The following MMS22L variants were observed in gnomAD, a reference collection of about 807,000 sequenced individuals.
The protein encoded by MMS22L is MMS22 like, DNA repair protein.
In MMS22L, 74 loss-of-function variants were observed where a neutral mutation model predicts 159.1. That is an observed-to-expected ratio of 0.47 (90% CI 0.39 to 0.56). The LOEUF (loss-of-function observed/expected upper bound fraction) is 0.56. Ranked by LOEUF, MMS22L falls within the 20% of genes least tolerant of loss-of-function variation. The pLI, the probability that MMS22L is intolerant of heterozygous loss-of-function variation, is 0.00. For missense variants in MMS22L, 1,351 were observed against 1,422.1 expected, an observed-to-expected ratio of 0.95 and a Z score of 0.80; for synonymous variants, 517 against 506.9, an observed-to-expected ratio of 1.02 and a Z score of -0.27.
intron 4 of MMS22L, among the ~76,000 whole-genome samples, chr6:97,277,339 G>A (rs1816332778): frequency 6.6e-6 from 1 of 152,060 alleles, no homozygotes; most frequent in Non-Finnish European, 1.5e-5. Context: ...CTTGAACCCA[G>A]GGGGCTGGAG....
intron 11 of MMS22L, among the ~76,000 whole-genome samples, chr6:97,240,464 A>C (rs1811931872): frequency 6.6e-6 from 1 of 152,154 alleles, no homozygotes; most frequent in Non-Finnish European, 1.5e-5. Flanking sequence ...GGGCCATGCA[A>C]ACCAGGATAG....
rs1185488611 is a variant in MMS22L, at chr6:97,179,457, G to A, written c.2487C>T (p.Leu829=). The part of the protein sequence containing the change: ...RCVLQMYIKN[L]SGPDDLLIDK... ...CTATGAGCAAATCATCAGGCCCAGAGAGGTTTTTAATATACATTTGCAAAA... is the reference window on the plus strand; with the variant it reads ...CTATGAGCAAATCATCAGGCCCAGAAAGGTTTTTAATATACATTTGCAAAA... Residue 829 remains leucine, a synonymous_variant, in exon 17 of 25, where the codon CTC becomes CTT. Transcript: ENST00000683635. The A allele has an allele frequency of 6.2e-7, 1 of 1,613,526 alleles. No individual in the cohort carries two copies. Among genetic ancestry groups the A allele is most frequent in the Non-Finnish European group, 8.5e-7 (1 of 1,179,702 alleles).
chr6:97,151,113 G>A (rs1357087894), intron 23 of MMS22L, among the ~76,000 whole-genome samples: 1 of 152,114 alleles, frequency 6.6e-6, no homozygotes, highest in East Asian at 1.9e-4. Context: ...AAGGTCTGAA[G>A]GCCTGTGTAC....
chr6:97,240,875 C>CAG (rs1281870776), intron 11 of MMS22L, among the ~76,000 whole-genome samples: 2 of 152,294 alleles, frequency 1.3e-5, no homozygotes, highest in East Asian at 3.9e-4. Flanking sequence ...GATCCACCTG[C>CAG]CTTGGCCTCC....
In MMS22L at chr6:97,246,767, T is replaced by C. The variant is rs1326028642; in HGVS notation, c.1120-77A>G. The C allele has an allele frequency of 5.2e-6, 5 of 967,386 alleles. No individual in the cohort carries two copies. In the Admixed American group the frequency reaches 1.0e-4, roughly 20 times the overall value. The allele number at this position is 967,386 out of a possible 1,614,324, so 59.9% of individuals were successfully genotyped here. A position where few individuals can be genotyped will look rare whatever the true frequency, so the allele number is the denominator to read the frequency against. ...TATTTAAAATTAGGGTATAGCAAAT[T>C]AAGTGTGCAGTACATTTTCCTCTAT... On this transcript the variant is annotated intron_variant, in intron 10 of 24. Coordinates refer to ENST00000683635, the MANE Select transcript of MMS22L (RefSeq NM_001350599.2).
intron 4 of MMS22L, 90 bp downstream of exon 4, chr6:97,278,759 T>C: frequency 2.9e-6 from 3 of 1,022,562 alleles, no homozygotes; most frequent in Non-Finnish European, 2.9e-6. Flanking sequence ...TGTATTATCA[T>C]GATATGCCAA....
intron 19 of MMS22L, among the ~76,000 whole-genome samples, chr6:97,172,524 C>CTGACTTCCTAAAGAAAGATAAACTCCAT (rs1803650939): frequency 1.3e-5 from 2 of 152,150 alleles, no homozygotes; most frequent in South Asian, 4.1e-4. Flanking sequence ...ATGTTAATCA[C>CTGACTTCCTAAAGAAAGATAAACTCCAT]TGACTTCCTA....
intron 20 of MMS22L, among the ~76,000 whole-genome samples, chr6:97,165,797 T>C (rs1167009473): frequency 6.6e-6 from 1 of 152,132 alleles, no homozygotes. Context: ...ACTTACAAAG[T>C]TATAAAACAC....
chr6:97,201,974 C>T (rs577769485), intron 14 of MMS22L, among the ~76,000 whole-genome samples: 49 of 152,280 alleles, frequency 3.2e-4, no homozygotes, highest in South Asian at 1.0e-3. Flanking sequence ...TTTAGAAAGC[C>T]TACAAATGTT....
chr6:97,215,112 ATATT>A (rs1179679335), intron 14 of MMS22L, among the ~76,000 whole-genome samples: 2 of 80,072 alleles, frequency 2.5e-5, no homozygotes, highest in Admixed American at 1.2e-4. Context: ...ATATATATAT[ATATT>A]TTTTTTTTGC....
chr6:97,158,213 C>G (rs1266316651), intron 22 of MMS22L, among the ~76,000 whole-genome samples: 1 of 151,848 alleles, frequency 6.6e-6, no homozygotes, highest in Admixed American at 6.6e-5. Context: ...TCTCTCTTTT[C>G]TTCTTAATTA....
intron 10 of MMS22L, among the ~76,000 whole-genome samples, chr6:97,250,164 A>T (rs934703047): frequency 1.3e-5 from 2 of 152,186 alleles, no homozygotes; most frequent in African/African-American, 4.8e-5. Context: ...TACCAAGTTA[A>T]ATCTGCTGAT....
chr6:97,214,791 G>A (rs1808808142), intron 14 of MMS22L, among the ~76,000 whole-genome samples: 1 of 150,380 alleles, frequency 6.6e-6, no homozygotes, highest in Non-Finnish European at 1.5e-5. Flanking sequence ...ACATAATCGG[G>A]GCATTTTTTA....
intron 22 of MMS22L, among the ~76,000 whole-genome samples, chr6:97,154,025 G>T (rs954382105): frequency 3.9e-5 from 6 of 151,952 alleles, no homozygotes; most frequent in African/African-American, 1.2e-4. Flanking sequence ...ATATTTAACC[G>T]CTTGAGGAAC....
intron 11 of MMS22L, among the ~76,000 whole-genome samples, chr6:97,237,358 G>A (rs1811531287): frequency 6.6e-6 from 1 of 152,114 alleles, no homozygotes; most frequent in East Asian, 1.9e-4. Context: ...GTAAAAAGCA[G>A]CAATGCACAA....
intron 14 of MMS22L, among the ~76,000 whole-genome samples, chr6:97,194,612 C>T (rs1806278881): frequency 6.6e-6 from 1 of 152,066 alleles, no homozygotes; most frequent in South Asian, 2.1e-4. Flanking sequence ...AGGCAATGAC[C>T]ATGCAACTAG....
chr6:97,166,384 T>C (rs898975392), intron 20 of MMS22L, among the ~76,000 whole-genome samples: 15 of 152,270 alleles, frequency 9.9e-5, no homozygotes, highest in Middle Eastern at 3.4e-3. Flanking sequence ...ATTTAAAATG[T>C]TTGAAGTCTC....
chr6:97,187,650 A>C (rs932654624), intron 14 of MMS22L, among the ~76,000 whole-genome samples: 3 of 152,162 alleles, frequency 2.0e-5, no homozygotes, highest in Non-Finnish European at 2.9e-5. Flanking sequence ...CCTTTAATAG[A>C]GATAGCATTC....
At position 97,203,464 on chromosome 6, in the gene MMS22L, G is replaced by A. The variant is rs112535968; in HGVS notation, c.2040-16774C>T. On this transcript the variant is annotated intron_variant, in intron 14 of 24. Transcript: ENST00000683635. ...TTAGCCTGCTTGTGTTGAGTAAACC[G>A]ATGATACTCAATAAACAGTTTCTGT... Among the ~76,000 whole-genome samples, 564 of 152,258 alleles carry A rather than the reference G, an allele frequency of 3.7e-3. 6 individuals are homozygous for A. The highest frequency in any genetic ancestry group is 0.013 in the African/African-American group (544 of 41,530).
Sources: allele counts gnomAD v4.1 joint callset (sites outside exome capture counted in the v4.1 genomes callset), GRCh38; gene constraint gnomAD v4.1.1; transcripts MANE v1.5; gene names NCBI Gene and HGNC (gene_info 2026-07-23, HGNC 2026-07-21).